Variants in PCDH15 observed in about 807,000 individuals in gnomAD.
PCDH15 encodes protocadherin related 15, also known as protocadherin-15.
Under a neutral mutation model 178.5 loss-of-function variants are expected in PCDH15, and 129 were observed. The ratio of observed to expected loss-of-function variants is 0.72; its 90% CI spans 0.63 to 0.84. The LOEUF (loss-of-function observed/expected upper bound fraction) is 0.84. Among genes scored for constraint, PCDH15 ranks in the 40% least tolerant of loss-of-function variants. PCDH15 has a pLI of 0.00. For missense variants in PCDH15, 2,230 were observed against 2,099.9 expected (o/e 1.06, Z -1.21); for synonymous variants, 800 against 732.0 (o/e 1.09, Z -1.50).
chr10:54,551,350 G>A (rs924009609), intron 2 of PCDH15, among the ~76,000 whole-genome samples: 1 of 151,784 alleles, frequency 6.6e-6, no homozygotes, highest in Non-Finnish European at 1.5e-5. Flanking sequence ...CTAAATTAAA[G>A]GGATGTTAAT....
chr10:54,153,109 G>A lies in PCDH15; in HGVS notation c.1775C>T (p.Ala592Val). ...TTCTAATATAAATTACCTTCGCTCT[G>A]CAGGAGGAGCATTATCCGCTGCTTG... Reference protein sequence around the residue: ...TVQAADNAPPAERRNSICTVY... With the variant: ...TVQAADNAPPVERRNSICTVY... Residue 592 changes from alanine to valine, a missense_variant, in exon 14 of 38, where the codon GCA becomes GTA. By Grantham distance (64) the Ala-to-Val change is moderately conservative. Transcript: ENST00000644397. The A allele has an allele frequency of 6.2e-7, 1 of 1,613,710 alleles. No homozygotes were observed. The highest frequency in any genetic ancestry group is 8.5e-7 in the Non-Finnish European group (1 of 1,179,784).
chr10:54,818,662 A>C (rs1952986597), intron 3 of PCDH15, among the ~76,000 whole-genome samples: 1 of 152,064 alleles, frequency 6.6e-6, no homozygotes, highest in East Asian at 1.9e-4. Flanking sequence ...GATTACATGA[A>C]GACAATGATA....
chr10:54,101,359 G>C (rs1353955599), intron 15 of PCDH15, among the ~76,000 whole-genome samples: 2 of 152,054 alleles, frequency 1.3e-5, no homozygotes, highest in African/African-American at 4.8e-5. Flanking sequence ...CAACTATATT[G>C]GCAGTGGATG....
chr10:55,602,073 G>C (rs1337623497), intron 2 of PCDH15, among the ~76,000 whole-genome samples: 2 of 152,120 alleles, frequency 1.3e-5, no homozygotes, highest in African/African-American at 4.8e-5. Context: ...TGCCTCACTC[G>C]GGAGGCGCAA....
chr10:55,119,531 ACCTGGAAAAGGCAGGGTATTG>A (rs1273488701), intron 2 of PCDH15, among the ~76,000 whole-genome samples: 1 of 131,406 alleles, frequency 7.6e-6, no homozygotes, highest in African/African-American at 4.3e-5. Flanking sequence ...AATTAATTGC[ACCTGGAAAAGGCAGGGTATTG>A]CATATTCCAT....
chr10:55,449,985 T>C (rs1022024543), intron 2 of PCDH15, among the ~76,000 whole-genome samples: 1 of 152,112 alleles, frequency 6.6e-6, no homozygotes, highest in Non-Finnish European at 1.5e-5. Context: ...TGGGAACATA[T>C]AAACAAATAA....
At chr10:55,623,968 G>A (rs1837467309) in intron 2 of PCDH15, among the ~76,000 whole-genome samples, 1 of 152,070 alleles carries the variant, frequency 6.6e-6, no homozygotes, top group African/African-American at 2.4e-5. Flanking sequence ...TATGGGGAAA[G>A]GGGCTATGTG....
At chr10:54,979,762 C>A (rs1839179051) in intron 2 of PCDH15, among the ~76,000 whole-genome samples, 1 of 150,488 alleles carries the variant, frequency 6.6e-6, no homozygotes, top group South Asian at 2.1e-4. Flanking sequence ...TATTATTTAG[C>A]CATAAAAAAG....
Position 54,214,831 on chromosome 10 carries a change from T to C in PCDH15, c.986-783A>G, listed in dbSNP as rs183187342. Among the ~76,000 whole-genome samples, 423 of 152,296 alleles carry C rather than the reference T, an allele frequency of 2.8e-3. 1 individual carries two copies. Among genetic ancestry groups the C allele is most frequent in the African/African-American group, 9.6e-3 (399 of 41,570 alleles). On this transcript the variant is annotated intron_variant, in intron 9 of 37. Coordinates refer to ENST00000644397, the MANE Select transcript of PCDH15 (RefSeq NM_001384140.1). ...GTCTTGAACTCCCGACATCTGGTGA[T>C]ACACCCACCTCAGCTTCCCAAAGTG...
intron 20 of PCDH15, among the ~76,000 whole-genome samples, chr10:54,003,718 A>C (rs1179358399): frequency 2.8e-5 from 4 of 142,232 alleles, no homozygotes; most frequent in Non-Finnish European, 6.0e-5. Context: ...ACTAATACTA[A>C]TCTTACTCAA....
intron 2 of PCDH15, among the ~76,000 whole-genome samples, chr10:54,574,238 A>G (rs570391859): frequency 2.6e-5 from 4 of 151,404 alleles, no homozygotes; most frequent in African/African-American, 4.8e-5. Flanking sequence ...TCAGCTTTCT[A>G]CATATGGCTA....
intron 3 of PCDH15, among the ~76,000 whole-genome samples, chr10:54,891,730 T>A (rs1954465851): frequency 6.6e-6 from 1 of 152,176 alleles, no homozygotes; most frequent in South Asian, 2.1e-4. Flanking sequence ...ATACACATCA[T>A]CTTAGCAGAG....
chr10:55,355,874 T>C (rs1308074267), intron 2 of PCDH15, among the ~76,000 whole-genome samples: 1 of 151,962 alleles, frequency 6.6e-6, no homozygotes, highest in Non-Finnish European at 1.5e-5. Flanking sequence ...AAACTTTCCA[T>C]GTGATTCTTA....
chr10:55,176,456 T>C (rs1332244356), intron 1 of PCDH15, among the ~76,000 whole-genome samples: 1 of 152,114 alleles, frequency 6.6e-6, no homozygotes, highest in Non-Finnish European at 1.5e-5. Flanking sequence ...GGGCCACAAC[T>C]GCCATACCTG....
intron 2 of PCDH15, among the ~76,000 whole-genome samples, chr10:54,629,547 T>A (rs2093645591): frequency 6.6e-6 from 1 of 152,088 alleles, no homozygotes; most frequent in Non-Finnish European, 1.5e-5. Context: ...ATTCGACATC[T>A]CTTTATGATA....
intron 6 of PCDH15, among the ~76,000 whole-genome samples, chr10:54,334,548 T>C (rs1343871103): frequency 6.6e-6 from 1 of 152,182 alleles, no homozygotes; most frequent in Admixed American, 6.5e-5. Flanking sequence ...GCTGATAGAT[T>C]TGGTCATTCA....
intron 2 of PCDH15, among the ~76,000 whole-genome samples, chr10:54,570,367 C>A (rs1243749178): frequency 6.6e-6 from 1 of 152,006 alleles, no homozygotes; most frequent in African/African-American, 2.4e-5. Context: ...ATACCTAAAC[C>A]TGAATATATT....
intron 2 of PCDH15, among the ~76,000 whole-genome samples, chr10:55,329,027 TTG>T (rs1004768740): frequency 8.1e-6 from 1 of 123,284 alleles, no homozygotes. Flanking sequence ...GTGTGTGTGT[TTG>T]TGTGTGTGTG....
intron 2 of PCDH15, among the ~76,000 whole-genome samples, chr10:54,599,227 G>A (rs1234896009): frequency 3.9e-5 from 6 of 152,034 alleles, no homozygotes; most frequent in African/African-American, 7.2e-5. Context: ...GAACAAAGCC[G>A]GAGGCATCAT....
Sources: allele counts gnomAD v4.1 joint callset (sites outside exome capture counted in the v4.1 genomes callset), GRCh38; gene constraint gnomAD v4.1.1; transcripts MANE v1.5; gene names NCBI Gene and HGNC (gene_info 2026-07-23, HGNC 2026-07-21).